UBE2D2: variants seen among roughly 807,000 people sequenced by gnomAD.
UBE2D2 encodes ubiquitin conjugating enzyme E2 D2, also known as ubiquitin-conjugating enzyme E2 D2.
In UBE2D2, 2 loss-of-function variants were observed where a neutral mutation model predicts 24.2. The ratio of observed to expected loss-of-function variants is 0.08; its 90% confidence interval spans 0.03 to 0.26. UBE2D2 has a LOEUF of 0.26. Ranked by LOEUF, UBE2D2 falls within the 10% of genes least tolerant of loss-of-function variation. The pLI, the probability that UBE2D2 is intolerant of heterozygous loss-of-function variation, is 1.00. For synonymous variants in UBE2D2, 58 were observed against 56.5 expected, an observed-to-expected ratio of 1.03 and a Z score of -0.12; for missense variants, 44 against 177.6, an observed-to-expected ratio of 0.25 and a Z score of 4.28.
At chr5:139,570,344 C>CT (rs931907263) in intron 1 of UBE2D2, among the ~76,000 whole-genome samples, 1 of 151,928 alleles carries the variant, frequency 6.6e-6, no homozygotes, top group Non-Finnish European at 1.5e-5. Context: ...ACCACCCCGC[C>CT]TTTTTTTCCC....
At chr5:139,588,730 C>T (rs944436820) in intron 1 of UBE2D2, among the ~76,000 whole-genome samples, 2 of 152,098 alleles carry the variant, frequency 1.3e-5, no homozygotes, top group African/African-American at 4.8e-5. Context: ...TCAACATTGT[C>T]ACACAGATCG....
intron 1 of UBE2D2, among the ~76,000 whole-genome samples, chr5:139,571,513 C>T (rs1476460183): frequency 2.0e-5 from 3 of 151,766 alleles, no homozygotes; most frequent in African/African-American, 7.3e-5. Context: ...TAATTCTGTT[C>T]TCCCCAGGTT....
intron 1 of UBE2D2, among the ~76,000 whole-genome samples, chr5:139,548,213 T>TAAAC (rs1752864726): frequency 1.1e-5 from 1 of 94,408 alleles, no homozygotes; most frequent in Non-Finnish European, 2.6e-5. Flanking sequence ...AATAAATAAA[T>TAAAC]AAACGTTCCC....
upstream of UBE2D2, among the ~76,000 whole-genome samples, chr5:139,559,515 T>A (rs1268805943): frequency 6.6e-6 from 1 of 152,004 alleles, no homozygotes; most frequent in East Asian, 1.9e-4. Context: ...GGCTGTGAGA[T>A]GTTCCATTTT....
In UBE2D2 at chr5:139,611,120, C is replaced by T. The variant is rs372323876; in HGVS notation, c.89-3466C>T. Among the ~76,000 whole-genome samples, 256 of 146,888 alleles carry T rather than the reference C, an allele frequency of 1.7e-3. 3 individuals carry two copies. The South Asian group carries it at 0.021, about 12-fold the overall frequency. ...ACTAGTTAGCGAGAAGTTAGAGATA[C>T]AGTTCTCCTAGAATATAGAGGCAAT... is the stretch of plus-strand genomic sequence containing the variant. On this transcript the variant is annotated intron_variant, in intron 2 of 6. Transcript: ENST00000398733.
At chr5:139,587,386 A>G (rs993814331) in intron 1 of UBE2D2, among the ~76,000 whole-genome samples, 1 of 152,172 alleles carries the variant, frequency 6.6e-6, no homozygotes, top group African/African-American at 2.4e-5. Flanking sequence ...AGCTCAAGCC[A>G]TAACAAACAT....
intron 1 of UBE2D2, among the ~76,000 whole-genome samples, chr5:139,551,005 A>G (rs1419599955): frequency 6.6e-6 from 1 of 152,162 alleles, no homozygotes; most frequent in Non-Finnish European, 1.5e-5. Context: ...TGACCTTGGT[A>G]TGGGAAAAAG....
chr5:139,563,446 G>T (rs1471405452), intron 1 of UBE2D2, among the ~76,000 whole-genome samples: 1 of 152,124 alleles, frequency 6.6e-6, no homozygotes, highest in African/African-American at 2.4e-5. Context: ...AACCGTTTAA[G>T]GGGCAGGGGA....
chr5:139,620,902 A>T (rs1485397836), intron 5 of UBE2D2, among the ~76,000 whole-genome samples: 1 of 152,262 alleles, frequency 6.6e-6, no homozygotes, highest in African/African-American at 2.4e-5. Context: ...AACTTAATGT[A>T]ATCAGTGACT....
chr5:139,588,431 A>T (rs1753780278), intron 1 of UBE2D2, among the ~76,000 whole-genome samples: 1 of 152,084 alleles, frequency 6.6e-6, no homozygotes, highest in African/African-American at 2.4e-5. Flanking sequence ...ATGTGCCACC[A>T]TATCTGGCTA....
intron 1 of UBE2D2, chr5:139,562,441 G>T (rs1753129678): frequency 7.7e-7 from 1 of 1,290,638 alleles, no homozygotes; most frequent in Non-Finnish European, 1.0e-6. Context: ...AGTAGAGGGA[G>T]AATCATTTTA....
chr5:139,543,495 A>C (rs1194780455), intron 1 of UBE2D2, among the ~76,000 whole-genome samples: 1 of 152,186 alleles, frequency 6.6e-6, no homozygotes, highest in Non-Finnish European at 1.5e-5. Context: ...CTGCAGAGGA[A>C]GGGCGCTGTT....
chr5:139,584,154 A>G (rs1753666558), intron 1 of UBE2D2, among the ~76,000 whole-genome samples: 1 of 151,962 alleles, frequency 6.6e-6, no homozygotes, highest in Admixed American at 6.6e-5. Flanking sequence ...GAGGTGTGCC[A>G]TTTTTTTACC....
chr5:139,531,700 G>A (rs1752599537), intron 1 of UBE2D2, among the ~76,000 whole-genome samples: 1 of 151,990 alleles, frequency 6.6e-6, no homozygotes, highest in Admixed American at 6.6e-5. Context: ...TGTGGCACAT[G>A]CCTGTAATCC....
At chr5:139,546,412 T>C (rs1561498027) in intron 1 of UBE2D2, among the ~76,000 whole-genome samples, 1 of 152,196 alleles carries the variant, frequency 6.6e-6, no homozygotes, top group African/African-American at 2.4e-5. Context: ...CTTGAACTCC[T>C]GACCTCATGA....
intron 1 of UBE2D2, among the ~76,000 whole-genome samples, chr5:139,567,039 T>TA (rs778938651): frequency 1.6e-4 from 25 of 152,218 alleles, no homozygotes; most frequent in Non-Finnish European, 2.8e-4. Flanking sequence ...TTAAGTCATT[T>TA]AAACAATACT....
intron 5 of UBE2D2, among the ~76,000 whole-genome samples, chr5:139,619,395 CAAA>C (rs372029230): frequency 9.1e-6 from 1 of 109,366 alleles, no homozygotes; most frequent in Non-Finnish European, 1.9e-5. Flanking sequence ...GAGTCTGTCT[CAAA>C]AAAAAAAAAA....
intron 1 of UBE2D2, among the ~76,000 whole-genome samples, chr5:139,534,505 G>T (rs1239871979): frequency 1.3e-5 from 2 of 151,468 alleles, no homozygotes; most frequent in Non-Finnish European, 2.9e-5. Context: ...GTCGGAGCTT[G>T]CAGTGAGCCG....
intron 2 of UBE2D2, among the ~76,000 whole-genome samples, chr5:139,607,050 T>TA (rs1441800619): frequency 4.6e-5 from 7 of 152,148 alleles, no homozygotes; most frequent in African/African-American, 1.7e-4. Flanking sequence ...GTGATTGGTC[T>TA]GCCCCGGCCT....
Sources: gnomAD v4.1 joint callset for allele counts (sites outside exome capture counted in the v4.1 genomes callset) on GRCh38, gnomAD v4.1.1 for gene constraint, MANE v1.5 for transcripts, NCBI Gene and HGNC (gene_info 2026-07-23, HGNC 2026-07-21) for gene names.